Variants in KCNAB1 observed in about 807,000 individuals in gnomAD.
KCNAB1 encodes the protein potassium voltage-gated channel subfamily A regulatory beta subunit 1.
A neutral mutation model predicts 64.6 loss-of-function variants in KCNAB1; 35 were observed. That is an observed-to-expected ratio of 0.54 (90% confidence interval 0.41 to 0.72). The LOEUF (loss-of-function observed/expected upper bound fraction) is 0.72. Ranked by LOEUF, KCNAB1 falls within the 30% of genes least tolerant of loss-of-function variation. The pLI is 0.00. For synonymous variants in KCNAB1, 177 were observed against 183.8 expected (o/e 0.96, Z 0.30); for missense variants, 401 against 512.9 (o/e 0.78, Z 2.11).
chr3:156,328,801 A>G (rs932044614), intron 1 of KCNAB1, among the ~76,000 whole-genome samples: 21 of 152,304 alleles, frequency 1.4e-4, no homozygotes, highest in Middle Eastern at 3.4e-3. Flanking sequence ...ATTGATCTAT[A>G]ATTCAATAGG....
In KCNAB1 at chr3:156,218,801, A is replaced by AAAATAAT. The variant is rs371264941; in HGVS notation, c.275+97917_275+97918insATAATAA. On this transcript the variant is annotated intron_variant, in intron 1 of 13. Coordinates refer to ENST00000490337, the MANE Select transcript of KCNAB1 (RefSeq NM_172160.3). ...CCCAGAACAGCAAAAAAAAAAAAAA[A>AAAATAAT]AATAATAATAAAATAAAATAAAAAT... Among the ~76,000 whole-genome samples, 50 of 112,214 alleles carry AAAATAAT rather than the reference A, an allele frequency of 4.5e-4. 1 individual carries two copies. Among genetic ancestry groups the AAAATAAT allele is most frequent in the African/African-American group, 8.0e-4 (23 of 28,578 alleles). 73.6% of individuals were successfully genotyped at this position (112,214 alleles called of 152,430 possible).
chr3:156,252,254 C>T (rs951912946), intron 1 of KCNAB1, among the ~76,000 whole-genome samples: 2 of 152,240 alleles, frequency 1.3e-5, no homozygotes, highest in Non-Finnish European at 2.9e-5. Context: ...CTGGCACACG[C>T]TTAATGTCAT....
rs762052552 is a variant in KCNAB1, at chr3:156,273,657, C to T, written c.276-147959C>T. 7.9e-5 allele frequency: 36 copies of T among 455,480 alleles called. 1 individual carries two copies. The highest frequency in any genetic ancestry group is 7.8e-5 in the South Asian group (5 of 64,506). The allele number at this position is 455,480 out of a possible 1,614,324, so 28.2% of individuals were successfully genotyped here. A position where few individuals can be genotyped will look rare whatever the true frequency, so the allele number is the denominator to read the frequency against. On this transcript the variant is annotated intron_variant, in intron 1 of 13. Transcript: ENST00000490337. ...CTACTCTCTTCACTGCCTTTTTCAG[C>T]GATATGAAGTTAAAACCAGGTACTG...
At chr3:156,160,258 T>A (rs1357774384) in intron 1 of KCNAB1, among the ~76,000 whole-genome samples, 1 of 152,262 alleles carries the variant, frequency 6.6e-6, no homozygotes, top group Admixed American at 6.5e-5. Flanking sequence ...GTTTTAAATC[T>A]TGCTAGGTGA....
chr3:156,248,778 G>A (rs1007503496), intron 1 of KCNAB1, among the ~76,000 whole-genome samples: 3 of 152,170 alleles, frequency 2.0e-5, no homozygotes, highest in Non-Finnish European at 4.4e-5. Context: ...CAGCAAGATA[G>A]TATTTTCCCC....
At chr3:156,477,757 G>A (rs1167773887) in intron 8 of KCNAB1, among the ~76,000 whole-genome samples, 1 of 152,124 alleles carries the variant, frequency 6.6e-6, no homozygotes, top group African/African-American at 2.4e-5. Context: ...TGTACCGGGG[G>A]AAGGTACTGA....
At chr3:156,279,001 A>C (rs1719526012) in intron 1 of KCNAB1, among the ~76,000 whole-genome samples, 1 of 151,814 alleles carries the variant, frequency 6.6e-6, no homozygotes, top group Non-Finnish European at 1.5e-5. Context: ...GTTTTAGGGT[A>C]CATGTGCACA....
chr3:156,324,186 C>T (rs1369035119), intron 1 of KCNAB1, among the ~76,000 whole-genome samples: 1 of 151,984 alleles, frequency 6.6e-6, no homozygotes, highest in East Asian at 1.9e-4. Context: ...TAATCTAAGC[C>T]CTGCTATATC....
In KCNAB1 at chr3:156,270,015, G is replaced by A. The variant is rs185327408; in HGVS notation, c.275+149129G>A. Among the ~76,000 whole-genome samples, 1,407 of 149,590 alleles carry A rather than the reference G, an allele frequency of 9.4e-3. 24 individuals carry two copies. Among genetic ancestry groups the A allele is most frequent in the African/African-American group, 0.033 (1,344 of 40,622 alleles). ...ACTGCAAGCTCTGCCTCCTGGGTTC[G>A]CGCCATTCTCCTGCCTCAGCCTCCT... On this transcript the variant is annotated intron_variant, in intron 1 of 13. Transcript: ENST00000490337.
intron 1 of KCNAB1, among the ~76,000 whole-genome samples, chr3:156,398,519 G>A (rs1022258070): frequency 2.0e-5 from 3 of 151,438 alleles, no homozygotes; most frequent in Non-Finnish European, 4.4e-5. Flanking sequence ...ATGAACCCCG[G>A]GGGGCGGAGC....
intron 1 of KCNAB1, among the ~76,000 whole-genome samples, chr3:156,231,322 A>G (rs1189942954): frequency 1.3e-5 from 2 of 152,176 alleles, no homozygotes; most frequent in Non-Finnish European, 2.9e-5. Context: ...GACTCTGTAT[A>G]TCATGACTTA....
chr3:156,165,150 C>A (rs1336860469), intron 1 of KCNAB1, among the ~76,000 whole-genome samples: 10 of 149,888 alleles, frequency 6.7e-5, no homozygotes, highest in African/African-American at 2.4e-4. Context: ...TAGTGGCGGG[C>A]GCCTGTAGTC....
chr3:156,534,710 T>A (rs1051788471), intron 13 of KCNAB1, among the ~76,000 whole-genome samples: 2 of 152,152 alleles, frequency 1.3e-5, no homozygotes, highest in Non-Finnish European at 2.9e-5. Context: ...ACTTTACTAA[T>A]GCCCAGCCAG....
intron 1 of KCNAB1, chr3:156,291,311 G>A: frequency 1.0e-6 from 1 of 989,206 alleles, no homozygotes; most frequent in Non-Finnish European, 1.2e-6. Context: ...GAGCGGAGGC[G>A]GGAGGGAGCT....
chr3:156,284,827 G>A (rs577189395), intron 1 of KCNAB1, among the ~76,000 whole-genome samples: 13 of 152,270 alleles, frequency 8.5e-5, no homozygotes, highest in African/African-American at 2.4e-4. Flanking sequence ...GCTTCGGCTC[G>A]CGCACGATGC....
At chr3:156,512,782 A>AATT (rs1477537072) in intron 8 of KCNAB1, among the ~76,000 whole-genome samples, 1 of 152,262 alleles carries the variant, frequency 6.6e-6, no homozygotes, top group East Asian at 1.9e-4. Context: ...GCTAGGCAAT[A>AATT]ATTTGATATT....
intron 1 of KCNAB1, among the ~76,000 whole-genome samples, chr3:156,182,093 T>G (rs924616635): frequency 6.6e-6 from 1 of 152,164 alleles, no homozygotes; most frequent in Non-Finnish European, 1.5e-5. Context: ...TTAATAACTT[T>G]ATAATTATAT....
intron 1 of KCNAB1, among the ~76,000 whole-genome samples, chr3:156,240,780 A>G (rs772036148): frequency 1.3e-5 from 2 of 152,190 alleles, no homozygotes; most frequent in Non-Finnish European, 2.9e-5. Flanking sequence ...GTTTCCAAGG[A>G]TCAGGCCCTG....
chr3:156,236,623 T>G (rs928442990), intron 1 of KCNAB1, among the ~76,000 whole-genome samples: 8 of 152,178 alleles, frequency 5.3e-5, no homozygotes, highest in African/African-American at 1.9e-4. Context: ...CTTGATACTT[T>G]GCACTGCCTC....
Sources: gnomAD v4.1 joint callset for allele counts (sites outside exome capture counted in the v4.1 genomes callset) on GRCh38, gnomAD v4.1.1 for gene constraint, MANE v1.5 for transcripts, NCBI Gene and HGNC (gene_info 2026-07-23, HGNC 2026-07-21) for gene names.